The following VAPA variants were observed in gnomAD, a reference collection of about 807,000 sequenced individuals.
VAPA encodes VAMP associated protein A.
VAPA carries 6 observed loss-of-function variants against 25.6 expected under a neutral mutation model. The ratio of observed to expected loss-of-function variants is 0.23; its 90% CI spans 0.13 to 0.46. VAPA has a LOEUF of 0.46. Ranked by LOEUF, VAPA falls within the 20% of genes least tolerant of loss-of-function variation. The pLI is 0.99. For synonymous variants in VAPA, 112 were observed against 106.2 expected (o/e 1.05, Z -0.34); for missense variants, 244 against 302.1 (o/e 0.81, Z 1.43).
At chr18:9,942,725 AAG>A (rs1168899144) in intron 4 of VAPA, among the ~76,000 whole-genome samples, 3 of 152,158 alleles carry the variant, frequency 2.0e-5, no homozygotes, top group South Asian at 2.1e-4. Flanking sequence ...GAACAGGAGC[AAG>A]AGAGAGCGAA....
chr18:9,936,805 GA>G, intron 3 of VAPA, 180 bp from the exon 4 acceptor site: 1 of 515,336 alleles, frequency 1.9e-6, no homozygotes, highest in Non-Finnish European at 3.5e-6. Context: ...TAGTAACTAG[GA>G]TTATATAAAG....
intron 1 of VAPA, among the ~76,000 whole-genome samples, chr18:9,923,137 T>A (rs1599098177): frequency 6.6e-6 from 1 of 152,344 alleles, no homozygotes; most frequent in East Asian, 1.9e-4. Context: ...ATAGCATGCT[T>A]AGCTGCTTTT....
At chr18:9,914,359 G>C in intron 1 of VAPA, 24 bp downstream of exon 1, 1 of 1,553,882 alleles carries the variant, frequency 6.4e-7, no homozygotes. Context: ...GGACACCCCC[G>C]GGTGGGGTGG....
intron 4 of VAPA, chr18:9,945,135 A>C (rs1043487939): frequency 6.6e-7 from 1 of 1,508,554 alleles, no homozygotes; most frequent in Non-Finnish European, 9.1e-7. Context: ...CTAGCAGATA[A>C]GTGGTATTGT....
In VAPA at chr18:9,959,521, T is replaced by C. The variant is rs1229816688; in HGVS notation, c.*5310T>C. 1 of 152,128 alleles carries C rather than the reference T, an allele frequency of 6.6e-6. No homozygotes were observed. Among genetic ancestry groups the C allele is most frequent in the Non-Finnish European group, 1.5e-5 (1 of 67,992 alleles). The allele number at this position is 152,128 out of a possible 1,614,324, so 9.4% of individuals were successfully genotyped here. The stretch of plus-strand genomic sequence containing the variant: ...ACAAGACTGGAGAACAGAATGTGAC[T>C]GGCCTTTTCTAATGGTCCTTTAAGA... On this transcript the variant is annotated 3_prime_UTR_variant, in exon 6 of 6. Transcript: ENST00000400000.
chr18:9,945,477 A>T (rs556746740), intron 4 of VAPA, among the ~76,000 whole-genome samples: 2 of 143,624 alleles, frequency 1.4e-5, no homozygotes, highest in African/African-American at 5.2e-5. Context: ...CTCCCACCTC[A>T]GCCTCCTGAG....
chr18:9,944,015 C>T (rs2069395063), intron 4 of VAPA, among the ~76,000 whole-genome samples: 1 of 151,700 alleles, frequency 6.6e-6, no homozygotes, highest in Admixed American at 6.6e-5. Context: ...GTGCCCGCCA[C>T]CACGCCTGGC....
In VAPA at chr18:9,945,350, C is replaced by CTTTT. The variant is rs869048248; in HGVS notation, c.418-5020_418-5017dup. On this transcript the variant is annotated intron_variant, in intron 4 of 5. Transcript: ENST00000400000. The stretch of plus-strand genomic sequence containing the variant: ...TTCTTTGAGATTTGGGGAATATACT[C>CTTTT]TTTTTTTTTTTTTTTTTTTTTTTTT... 8.3e-3 allele frequency among the ~76,000 whole-genome samples: 475 copies of CTTTT among 57,296 alleles called. 98 individuals are homozygous for CTTTT. Among genetic ancestry groups the CTTTT allele is most frequent in the Non-Finnish European group, 0.011 (389 of 34,428 alleles). 37.6% of individuals were successfully genotyped at this position (57,296 alleles called of 152,430 possible). A position where few individuals can be genotyped will look rare whatever the true frequency, so the allele number is the denominator to read the frequency against.
chr18:9,926,152 C>T (rs531729855), intron 1 of VAPA, among the ~76,000 whole-genome samples: 5 of 152,206 alleles, frequency 3.3e-5, no homozygotes, highest in South Asian at 2.1e-4. Context: ...GCCCAATAAA[C>T]GCTAGCTGTT....
At position 9,914,076 on chromosome 18, in the gene VAPA, C is replaced by G; in HGVS notation, c.-181C>G. On this transcript the variant is annotated 5_prime_UTR_variant, in exon 1 of 6. Coordinates refer to ENST00000400000, the MANE Select transcript of VAPA (RefSeq NM_194434.3). ...GTGGGGTTGAGTCAGTTGTGGGACC[C>G]GGAGCTGCTGACCCAGCGGGTGGCC... 1 of 532,448 alleles carries G rather than the reference C, an allele frequency of 1.9e-6. No individual in the cohort carries two copies. The highest frequency in any genetic ancestry group is 2.3e-5 in the South Asian group (1 of 43,608). 33.0% of individuals were successfully genotyped at this position (532,448 alleles called of 1,614,324 possible). A position where few individuals can be genotyped will look rare whatever the true frequency, so the allele number is the denominator to read the frequency against.
intron 4 of VAPA, among the ~76,000 whole-genome samples, chr18:9,940,824 T>G (rs963175636): frequency 2.0e-5 from 3 of 152,236 alleles, no homozygotes; most frequent in African/African-American, 7.2e-5. Flanking sequence ...AGAATGAGAC[T>G]TAAAGATTGT....
At chr18:9,941,439 G>T (rs1599111418) in intron 4 of VAPA, among the ~76,000 whole-genome samples, 1 of 152,116 alleles carries the variant, frequency 6.6e-6, no homozygotes, top group East Asian at 1.9e-4. Context: ...AAATATATAA[G>T]AAGTTTTTGT....
intron 5 of VAPA, among the ~76,000 whole-genome samples, chr18:9,951,808 C>T (rs1397307869): frequency 1.3e-5 from 2 of 152,142 alleles, no homozygotes; most frequent in African/African-American, 4.8e-5. Context: ...TGTTTTAAGT[C>T]GATCTGTGAA....
intron 1 of VAPA, among the ~76,000 whole-genome samples, chr18:9,919,799 G>T (rs2069141668): frequency 6.6e-6 from 1 of 152,232 alleles, no homozygotes; most frequent in South Asian, 2.1e-4. Flanking sequence ...GAGCAGTAAA[G>T]ATGGAGGGAA....
intron 1 of VAPA, chr18:9,915,733 T>C (rs1233254512): frequency 6.6e-6 from 1 of 152,260 alleles, no homozygotes; most frequent in Non-Finnish European, 1.5e-5. Context: ...TCTGGAATTA[T>C]GAGATTAATA....
At chr18:9,917,868 A>G (rs1325071666) in intron 1 of VAPA, among the ~76,000 whole-genome samples, 1 of 152,176 alleles carries the variant, frequency 6.6e-6, no homozygotes, top group Non-Finnish European at 1.5e-5. Flanking sequence ...AGGTGTTTCC[A>G]GTCGGCTCTT....
chr18:9,947,054 C>G, intron 4 of VAPA, among the ~76,000 whole-genome samples: 1 of 152,220 alleles, frequency 6.6e-6, no homozygotes, highest in Admixed American at 6.5e-5. Flanking sequence ...CACATCCTGT[C>G]TCACTGTAAT....
chr18:9,948,242 AT>A (rs1177203274), intron 4 of VAPA: 3 of 152,274 alleles, frequency 2.0e-5, no homozygotes, highest in East Asian at 3.9e-4. Context: ...TCTAAATCTA[AT>A]TCCAATCTAG....
chr18:9,937,653 G>A (rs2069325331), intron 4 of VAPA, among the ~76,000 whole-genome samples: 2 of 152,078 alleles, frequency 1.3e-5, no homozygotes, highest in African/African-American at 4.8e-5. Context: ...GTACCGAGTG[G>A]GTTGTAGTCA....
Sources: gnomAD v4.1 joint callset for allele counts (sites outside exome capture counted in the v4.1 genomes callset) on GRCh38, gnomAD v4.1.1 for gene constraint, MANE v1.5 for transcripts, NCBI Gene and HGNC (gene_info 2026-07-23, HGNC 2026-07-21) for gene names.